Variants in POLR1A observed in about 807,000 individuals in gnomAD.
POLR1A encodes the protein RNA polymerase I subunit A, also known as DNA-directed RNA polymerase I subunit RPA1.
POLR1A carries 84 observed loss-of-function variants against 205.3 expected under a neutral mutation model. That is an observed-to-expected ratio of 0.41 (90% CI 0.34 to 0.49). The LOEUF is 0.49. Ranked by LOEUF, POLR1A falls within the 20% of genes least tolerant of loss-of-function variation. The probability of loss-of-function intolerance (pLI) is 0.22; values close to 1 mark genes in which losing one functional copy is unlikely to be tolerated. For missense variants in POLR1A, 1,645 were observed against 2,204.5 expected, an observed-to-expected ratio of 0.75 and a Z score of 5.08; for synonymous variants, 799 against 863.7, an observed-to-expected ratio of 0.93 and a Z score of 1.31.
At chr2:86,032,030 G>A (rs142106178) in intron 29 of POLR1A, among the ~76,000 whole-genome samples, 4 of 152,300 alleles carry the variant, frequency 2.6e-5, no homozygotes, top group South Asian at 2.1e-4. Flanking sequence ...CCTTGAGTCC[G>A]ATTTAAGTCC....
intron 33 of POLR1A, 57 bp downstream of exon 33, chr2:86,027,828 C>A (rs982850132): frequency 7.0e-6 from 11 of 1,576,264 alleles, no homozygotes; most frequent in Non-Finnish European, 9.6e-6. Flanking sequence ...ATGGGTGAGC[C>A]CGTGTGCCCA....
chr2:86,052,493 C>T (rs1172154905), intron 16 of POLR1A, among the ~76,000 whole-genome samples: 1 of 152,150 alleles, frequency 6.6e-6, no homozygotes, highest in Non-Finnish European at 1.5e-5. Context: ...AGTGAGGGCG[C>T]CTTTGTAGGA....
At chr2:86,039,176 C>T in intron 26 of POLR1A, 151 bp downstream of exon 26, 1 of 844,650 alleles carries the variant, frequency 1.2e-6, no homozygotes, top group Non-Finnish European at 1.9e-6. Flanking sequence ...TGATCCATCT[C>T]TGCTCAGCAC....
At chr2:86,033,866 T>C (rs1013199999) in intron 27 of POLR1A, 79 bp from the exon 28 acceptor site, 2 of 1,541,076 alleles carry the variant, frequency 1.3e-6, no homozygotes, top group Admixed American at 1.7e-5. Flanking sequence ...GATAGGACGC[T>C]GAGGGATTCC....
At chr2:86,083,308 G>T (rs1233555746) in intron 6 of POLR1A, 140 bp from the exon 7 acceptor site, 5 of 653,426 alleles carry the variant, frequency 7.7e-6, no homozygotes, top group Non-Finnish European at 8.3e-6. Flanking sequence ...TATCAGGCCT[G>T]GATTCCCTCT....
At chr2:86,050,966 C>T (rs72847862) in intron 16 of POLR1A, among the ~76,000 whole-genome samples, 1,543 of 152,300 alleles carry the variant, frequency 0.01, 5 homozygotes, top group Middle Eastern at 0.017. Context: ...ACAGACTTAA[C>T]TTATAATCCT....
intron 11 of POLR1A, among the ~76,000 whole-genome samples, chr2:86,075,516 T>C (rs1027215439): frequency 6.6e-6 from 1 of 152,186 alleles, no homozygotes; most frequent in Non-Finnish European, 1.5e-5. Flanking sequence ...TATATAATTT[T>C]TTTTTCTTTG....
intron 14 of POLR1A, among the ~76,000 whole-genome samples, chr2:86,061,020 T>A (rs1051538274): frequency 3.3e-5 from 5 of 152,214 alleles, no homozygotes; most frequent in Non-Finnish European, 7.3e-5. Context: ...AAAGATGATA[T>A]CCAAATGGCC....
In POLR1A at chr2:86,028,761, C is replaced by T. The variant is rs1199426799; in HGVS notation, c.4780-50G>A. 1.5e-6 allele frequency: 2 copies of T among 1,363,956 alleles called. No homozygotes were observed. The highest frequency in any genetic ancestry group is 2.1e-6 in the Non-Finnish European group (2 of 955,204). 84.5% of individuals were successfully genotyped at this position (1,363,956 alleles called of 1,614,324 possible). On this transcript the variant is annotated intron_variant, in intron 31 of 33. Transcript: ENST00000263857. The surrounding 1 kb of genome is among the most constrained non-coding windows in gnomAD (Gnocchi z 4.5). ...ATTTAGAGGGCCTGGCCTTCTGCTC[C>T]CTTCTGCCTGCGTATCTCCCCCTGG...
chr2:86,087,530 A>G (rs1673524202), intron 6 of POLR1A, among the ~76,000 whole-genome samples: 1 of 152,190 alleles, frequency 6.6e-6, no homozygotes. Context: ...CCAAGTGACA[A>G]TTGCAGGTTG....
chr2:86,042,212 A>G, intron 23 of POLR1A, 109 bp from the exon 24 acceptor site: 1 of 786,766 alleles, frequency 1.3e-6, no homozygotes, highest in East Asian at 2.5e-5. Context: ...AAGAAACCTG[A>G]TTGCAATGAG....
chr2:86,047,300 C>T (rs372929750), intron 18 of POLR1A, 37 bp from the exon 19 acceptor site: 8 of 1,407,448 alleles, frequency 5.7e-6, no homozygotes, highest in African/African-American at 4.2e-5. Context: ...AGTGACTTCA[C>T]CTTCTTTAAA....
chr2:86,067,630 G>A (rs1301738769), intron 13 of POLR1A, among the ~76,000 whole-genome samples: 6 of 152,124 alleles, frequency 3.9e-5, no homozygotes, highest in African/African-American at 1.4e-4. Flanking sequence ...CCTGGTAATA[G>A]AGAAGAAATT....
Position 86,030,403 on chromosome 2 carries a change from A to T in POLR1A, c.4579-7T>A, listed in dbSNP as rs190069033. 7.5e-5 allele frequency: 120 copies of T among 1,607,096 alleles called. No individual in the cohort carries two copies. The East Asian group carries it at 1.8e-3, about 24-fold the overall frequency. Reference sequence around the variant, plus strand: ...GAGGGAGCTTCACTGTCACCTGCAAAAGGAGGGAGAGCTGGGTAGGGTGAC... The same window carrying T: ...GAGGGAGCTTCACTGTCACCTGCAATAGGAGGGAGAGCTGGGTAGGGTGAC... On this transcript the variant is annotated splice_polypyrimidine_tract_variant and splice_region_variant and intron_variant, in intron 30 of 33. Coordinates refer to ENST00000263857, the MANE Select transcript of POLR1A (RefSeq NM_015425.6).
chr2:86,048,845 C>T, intron 18 of POLR1A, 39 bp downstream of exon 18: 1 of 1,573,266 alleles, frequency 6.4e-7, no homozygotes, highest in Non-Finnish European at 8.7e-7. Flanking sequence ...AATCAGCATT[C>T]ATAGTGGTGG....
Position 86,040,374 on chromosome 2 carries a change from C to T in POLR1A, c.3740+18G>A. 6.3e-7 allele frequency: 1 copy of T among 1,576,170 alleles called. No homozygotes were observed. The highest frequency in any genetic ancestry group is 8.6e-7 in the Non-Finnish European group (1 of 1,160,248). ...AGGCTAGGACAGACCCCACCCTGTG[C>T]TCCCTTGTGCCCCACACCTTGGAAT... On this transcript the variant is annotated intron_variant, in intron 25 of 33. Coordinates refer to ENST00000263857, the MANE Select transcript of POLR1A (RefSeq NM_015425.6).
intron 11 of POLR1A, among the ~76,000 whole-genome samples, chr2:86,076,931 A>T (rs887433404): frequency 1.3e-5 from 2 of 152,194 alleles, no homozygotes; most frequent in Admixed American, 6.5e-5. Flanking sequence ...CAGCCTTTGA[A>T]TGCAAGGACT....
chr2:86,088,437 A>G (rs1005837717), intron 6 of POLR1A, 129 bp downstream of exon 6: 14 of 645,756 alleles, frequency 2.2e-5, no homozygotes, highest in Middle Eastern at 4.3e-4. Flanking sequence ...AGGCCTGCAC[A>G]CTGTGCCTCT....
intron 8 of POLR1A, among the ~76,000 whole-genome samples, chr2:86,081,241 C>CA (rs1353119783): frequency 1.3e-5 from 2 of 152,010 alleles, no homozygotes; most frequent in South Asian, 4.1e-4. Context: ...ATGTAAAATA[C>CA]AAAAATTATT....
Sources: allele counts gnomAD v4.1 joint callset (sites outside exome capture counted in the v4.1 genomes callset), GRCh38; gene constraint gnomAD v4.1.1; non-coding constraint Gnocchi (gnomAD v3.1); transcripts MANE v1.5; gene names NCBI Gene and HGNC (gene_info 2026-07-23, HGNC 2026-07-21).